Variants in DPP6 observed in about 807,000 individuals in gnomAD.
The protein encoded by DPP6 is A-type potassium channel modulatory protein DPP6.
A neutral mutation model predicts 122.6 loss-of-function variants in DPP6; 69 were observed. That is an observed-to-expected ratio of 0.56 (90% CI 0.46 to 0.69). The LOEUF is 0.69. DPP6 is among the 30% of genes least tolerant of loss of function. The probability of loss-of-function intolerance (pLI) is 0.00; values close to 1 mark genes in which losing one functional copy is unlikely to be tolerated. For missense variants in DPP6, 928 were observed against 1,116.9 expected (o/e 0.83, Z 2.41); for synonymous variants, 418 against 433.1 (o/e 0.97, Z 0.43).
intron 1 of DPP6, among the ~76,000 whole-genome samples, chr7:154,335,893 G>T (rs2151048742): frequency 6.6e-6 from 1 of 152,212 alleles, no homozygotes; most frequent in South Asian, 2.1e-4. Flanking sequence ...CTAGGGCGGA[G>T]ATAGAGCATG....
chr7:154,758,981 A>G (rs1260922087), intron 8 of DPP6, among the ~76,000 whole-genome samples: 1 of 152,210 alleles, frequency 6.6e-6, no homozygotes, highest in Non-Finnish European at 1.5e-5. Flanking sequence ...TTTCCTCTCA[A>G]AGTTGCTCTT....
At chr7:153,924,944 C>T (rs1173032967) in intron 1 of DPP6, among the ~76,000 whole-genome samples, 2 of 152,110 alleles carry the variant, frequency 1.3e-5, no homozygotes, top group Non-Finnish European at 2.9e-5. Flanking sequence ...GATCTGGACT[C>T]GAGGACATTG....
intron 1 of DPP6, among the ~76,000 whole-genome samples, chr7:154,429,180 T>TAC (rs1554546621): frequency 6.8e-5 from 10 of 146,120 alleles, no homozygotes; most frequent in Admixed American, 6.8e-4. Flanking sequence ...CTTAATCTGT[T>TAC]AAAAAAAAAA....
chr7:154,630,143 C>T (rs965689832), intron 5 of DPP6, among the ~76,000 whole-genome samples: 4 of 152,194 alleles, frequency 2.6e-5, no homozygotes, highest in African/African-American at 4.8e-5. Context: ...ATGACCTCTG[C>T]GCCTTACTCT....
intron 18 of DPP6, among the ~76,000 whole-genome samples, chr7:154,871,798 G>A (rs1056130328): frequency 1.3e-5 from 2 of 152,314 alleles, no homozygotes; most frequent in Admixed American, 6.5e-5. Flanking sequence ...TTGAAAAGCC[G>A]CTAATTCCAA....
chr7:154,027,773 C>T (rs930407502), intron 1 of DPP6, among the ~76,000 whole-genome samples: 4 of 151,730 alleles, frequency 2.6e-5, no homozygotes, highest in African/African-American at 4.9e-5. Flanking sequence ...TCCCTTCTTC[C>T]CCTTATCCAA....
the DPP6 span, among the ~76,000 whole-genome samples, chr7:153,876,389 A>T: frequency 1.1e-5 from 1 of 90,960 alleles, no homozygotes; most frequent in African/African-American, 4.7e-5. Flanking sequence ...AATTGACCGT[A>T]TGTTTGAAAA....
At chr7:154,415,291 A>G (rs1816930172) in intron 1 of DPP6, among the ~76,000 whole-genome samples, 1 of 151,046 alleles carries the variant, frequency 6.6e-6, no homozygotes, top group Admixed American at 6.5e-5. Context: ...ATTACCTTCC[A>G]TATGGTGGTA....
intron 1 of DPP6, among the ~76,000 whole-genome samples, chr7:154,186,456 C>T (rs1002174486): frequency 2.0e-5 from 3 of 152,262 alleles, no homozygotes; most frequent in African/African-American, 7.2e-5. Context: ...TACAACACCT[C>T]AAAGTTTCAG....
intron 10 of DPP6, among the ~76,000 whole-genome samples, chr7:154,785,136 G>A (rs1024840845): frequency 6.6e-6 from 1 of 152,190 alleles, no homozygotes; most frequent in East Asian, 1.9e-4. Context: ...TATTGTTGTT[G>A]TTAAGTTTTA....
chr7:154,592,633 G>A (rs1046361789), intron 5 of DPP6, among the ~76,000 whole-genome samples: 2 of 152,112 alleles, frequency 1.3e-5, no homozygotes, highest in Admixed American at 6.5e-5. Context: ...CGGCAGGGAC[G>A]GCAGGGACGG....
chr7:153,916,133 A>T (rs1285273591), intron 1 of DPP6, among the ~76,000 whole-genome samples: 1 of 150,232 alleles, frequency 6.7e-6, no homozygotes, highest in Admixed American at 6.6e-5. Context: ...CGCCTGGCTA[A>T]TGTTTTTTTT....
chr7:153,959,086 A>G (rs1795214953), intron 1 of DPP6, among the ~76,000 whole-genome samples: 2 of 152,164 alleles, frequency 1.3e-5, no homozygotes, highest in Non-Finnish European at 1.5e-5. Context: ...AGGCAGGCCA[A>G]GAACCTGGCC....
At chr7:153,798,050 G>A in the DPP6 span, among the ~76,000 whole-genome samples, 2 of 152,044 alleles carry the variant, frequency 1.3e-5, no homozygotes, top group African/African-American at 2.4e-5. Context: ...CACCATGTTA[G>A]CCAGGATGGT....
chr7:154,266,864 T>G (rs1053699934), intron 1 of DPP6, among the ~76,000 whole-genome samples: 6 of 152,232 alleles, frequency 3.9e-5, no homozygotes, highest in African/African-American at 9.6e-5. Context: ...GTACTTTCAT[T>G]CTCTCATGAG....
At chr7:154,245,904 A>G (rs922517744) in intron 1 of DPP6, among the ~76,000 whole-genome samples, 21 of 152,190 alleles carry the variant, frequency 1.4e-4, no homozygotes, top group Non-Finnish European at 2.9e-4. Context: ...TTCAGTAAGT[A>G]TATAGAATAA....
intron 1 of DPP6, among the ~76,000 whole-genome samples, chr7:154,010,823 G>A (rs555893610): frequency 6.6e-6 from 1 of 152,316 alleles, no homozygotes; most frequent in African/African-American, 2.4e-5. Context: ...AGGCTTTCAT[G>A]CCAGACTTGT....
the DPP6 span, among the ~76,000 whole-genome samples, chr7:153,881,463 G>A: frequency 6.6e-6 from 1 of 152,144 alleles, no homozygotes; most frequent in Non-Finnish European, 1.5e-5. Flanking sequence ...TCTATAAATG[G>A]CTCTTCTCTA....
chr7:154,289,717 C>T (rs1323627467), intron 1 of DPP6, among the ~76,000 whole-genome samples: 1 of 152,214 alleles, frequency 6.6e-6, no homozygotes, highest in Non-Finnish European at 1.5e-5. Context: ...CTTCTCTGCA[C>T]AACTTCAGAG....
Sources: gnomAD v4.1 joint callset for allele counts (sites outside exome capture counted in the v4.1 genomes callset) on GRCh38, gnomAD v4.1.1 for gene constraint, MANE v1.5 for transcripts, NCBI Gene and HGNC (gene_info 2026-07-23, HGNC 2026-07-21) for gene names.